The following TLE1 variants were observed in gnomAD, a reference collection of about 807,000 sequenced individuals.
TLE1 encodes transducin-like enhancer protein 1.
Under a neutral mutation model 89.8 loss-of-function variants are expected in TLE1, and 21 were observed. The ratio of observed to expected loss-of-function variants is 0.23; its 90% CI spans 0.17 to 0.34. The LOEUF (loss-of-function observed/expected upper bound fraction) is 0.34. TLE1 is among the 10% of genes least tolerant of loss of function. The pLI is 1.00. For missense variants in TLE1, 795 were observed against 1,031.2 expected (o/e 0.77, Z 3.14); for synonymous variants, 447 against 407.6 (o/e 1.10, Z -1.16).
intron 4 of TLE1, among the ~76,000 whole-genome samples, chr9:81,679,780 T>G (rs1019503554): frequency 1.3e-5 from 2 of 151,972 alleles, no homozygotes; most frequent in Non-Finnish European, 2.9e-5. Flanking sequence ...GGGGAGAGGG[T>G]AGGAAACGAA....
chr9:81,654,131 C>G, intron 4 of TLE1, 95 bp from the exon 5 acceptor site: 1 of 1,129,916 alleles, frequency 8.9e-7, no homozygotes, highest in Non-Finnish European at 1.3e-6. Flanking sequence ...CCTCCTCTCC[C>G]TTGCTCTGGA....
intron 8 of TLE1, 22 bp downstream of exon 8, chr9:81,633,314 TGTGTGTGTGTGC>T (rs1564000278): frequency 7.1e-7 from 1 of 1,416,298 alleles, no homozygotes; most frequent in East Asian, 2.9e-5. Flanking sequence ...TGTGTGTGTG[TGTGTGTGTGTGC>T]AGCAGGCGTT....
intron 8 of TLE1, chr9:81,620,925 G>A (rs775866791): frequency 3.8e-6 from 2 of 529,852 alleles, no homozygotes; most frequent in East Asian, 5.3e-5. Context: ...AGCAAATCTT[G>A]AGATTACTCT....
At chr9:81,606,041 C>G (rs1389561628) in intron 14 of TLE1, among the ~76,000 whole-genome samples, 1 of 152,266 alleles carries the variant, frequency 6.6e-6, no homozygotes, top group South Asian at 2.1e-4. Context: ...CACTGGCCAT[C>G]AGAGAAATGC....
intron 8 of TLE1, among the ~76,000 whole-genome samples, chr9:81,630,469 T>C (rs1826437027): frequency 6.6e-6 from 1 of 152,226 alleles, no homozygotes; most frequent in African/African-American, 2.4e-5. Flanking sequence ...TAGCTCTTCA[T>C]CTGTTTAAGT....
chr9:81,621,665 G>T (rs1241726562), intron 8 of TLE1, among the ~76,000 whole-genome samples: 1 of 152,156 alleles, frequency 6.6e-6, no homozygotes, highest in Non-Finnish European at 1.5e-5. Flanking sequence ...ATATTTTATG[G>T]TATCTTTTTA....
intron 13 of TLE1, 38 bp downstream of exon 13, chr9:81,611,731 T>A (rs116409155): frequency 4.8e-6 from 7 of 1,460,904 alleles, no homozygotes; most frequent in Non-Finnish European, 6.3e-6. Context: ...GCATGCAGCG[T>A]TCCTACCCCA....
At chr9:81,631,186 C>CT (rs1317236533) in intron 8 of TLE1, among the ~76,000 whole-genome samples, 1 of 152,212 alleles carries the variant, frequency 6.6e-6, no homozygotes, top group Non-Finnish European at 1.5e-5. Flanking sequence ...GCCTGTAACT[C>CT]AAGAACTGCT....
At chr9:81,621,371 T>C (rs1254481697) in intron 8 of TLE1, among the ~76,000 whole-genome samples, 1 of 152,192 alleles carries the variant, frequency 6.6e-6, no homozygotes, top group Non-Finnish European at 1.5e-5. Flanking sequence ...CATCAGAACA[T>C]GTTACAATGA....
intron 10 of TLE1, among the ~76,000 whole-genome samples, chr9:81,616,343 T>C (rs1031695248): frequency 6.6e-6 from 1 of 151,964 alleles, no homozygotes; most frequent in Non-Finnish European, 1.5e-5. Flanking sequence ...CCCGCAGTCA[T>C]ATCCCTCTTT....
At chr9:81,669,477 G>T (rs987706657) in intron 4 of TLE1, among the ~76,000 whole-genome samples, 1 of 152,180 alleles carries the variant, frequency 6.6e-6, no homozygotes, top group African/African-American at 2.4e-5. Flanking sequence ...AGTCTGGAAC[G>T]CAATTTTCCA....
chr9:81,631,570 T>C (rs1176233210), intron 8 of TLE1, among the ~76,000 whole-genome samples: 1 of 152,248 alleles, frequency 6.6e-6, no homozygotes, highest in Non-Finnish European at 1.5e-5. Context: ...ATACCTCGAA[T>C]TGCAGATGCG....
At chr9:81,678,359 C>G (rs1443030341) in intron 4 of TLE1, among the ~76,000 whole-genome samples, 1 of 142,766 alleles carries the variant, frequency 7.0e-6, no homozygotes, top group African/African-American at 2.6e-5. Context: ...TACTACAGGT[C>G]TGTACCACCA....
chr9:81,592,883 G>T (rs186985147), intron 15 of TLE1, 142 bp downstream of exon 15: 2 of 1,192,224 alleles, frequency 1.7e-6, no homozygotes, highest in Non-Finnish European at 2.3e-6. Context: ...ATGGGGAGCC[G>T]AGGGGGTTAA....
intron 14 of TLE1, among the ~76,000 whole-genome samples, chr9:81,601,313 A>C (rs1221330474): frequency 1.3e-5 from 2 of 152,228 alleles, no homozygotes; most frequent in Non-Finnish European, 2.9e-5. Context: ...GTGTTTTCCT[A>C]TGAGGCAATT....
chr9:81,680,486 T>C (rs1833474347), intron 4 of TLE1, among the ~76,000 whole-genome samples: 1 of 152,186 alleles, frequency 6.6e-6, no homozygotes, highest in Non-Finnish European at 1.5e-5. Context: ...ATTTTCAAAA[T>C]ATTGATCATG....
chr9:81,586,698 G>A (rs1828518357), intron 17 of TLE1, among the ~76,000 whole-genome samples: 1 of 152,150 alleles, frequency 6.6e-6, no homozygotes, highest in Non-Finnish European at 1.5e-5. Flanking sequence ...CGATGGGCAT[G>A]TGGCATTTAT....
chr9:81,674,885 T>G (rs1832692351), intron 4 of TLE1, among the ~76,000 whole-genome samples: 1 of 152,156 alleles, frequency 6.6e-6, no homozygotes, highest in Non-Finnish European at 1.5e-5. Flanking sequence ...CCAGGTGTGG[T>G]GGCTCACACC....
chr9:81,606,800 T>G (rs60410635), intron 14 of TLE1, among the ~76,000 whole-genome samples: 70,554 of 150,362 alleles, frequency 0.47, 18,582 homozygotes, highest in African/African-American at 0.71. Context: ...TATATATATA[T>G]ATAGAGAGAG....
Sources: gnomAD v4.1 joint callset for allele counts (sites outside exome capture counted in the v4.1 genomes callset) on GRCh38, gnomAD v4.1.1 for gene constraint, MANE v1.5 for transcripts, NCBI Gene and HGNC (gene_info 2026-07-23, HGNC 2026-07-21) for gene names.